Variants in PARD3B observed in about 807,000 individuals in gnomAD.
PARD3B encodes par-3 family cell polarity regulator beta, also known as partitioning defective 3 homolog B.
PARD3B carries 103 observed loss-of-function variants against 130.2 expected under a neutral mutation model. The ratio of observed to expected loss-of-function variants is 0.79; its 90% confidence interval spans 0.67 to 0.93. The LOEUF is 0.93. Ranked by LOEUF, PARD3B falls within the 40% of genes least tolerant of loss-of-function variation. The probability of loss-of-function intolerance (pLI) is 0.00; values close to 1 mark genes in which losing one functional copy is unlikely to be tolerated. For synonymous variants in PARD3B, 583 were observed against 553.2 expected, an observed-to-expected ratio of 1.05 and a Z score of -0.76; for missense variants, 1,609 against 1,499.2, an observed-to-expected ratio of 1.07 and a Z score of -1.21.
chr2:204,940,818 T>G (rs1412289743), intron 2 of PARD3B, among the ~76,000 whole-genome samples: 1 of 152,122 alleles, frequency 6.6e-6, no homozygotes, highest in Admixed American at 6.5e-5. Context: ...CTGCTCTATT[T>G]TCAAGCCATG....
chr2:204,854,971 C>A (rs911435727), intron 2 of PARD3B, among the ~76,000 whole-genome samples: 7 of 152,014 alleles, frequency 4.6e-5, no homozygotes, highest in Non-Finnish European at 8.8e-5. Context: ...GCGGTGGATG[C>A]GCTGAATTTT....
At chr2:205,586,692 A>T (rs1472884693) in intron 22 of PARD3B, among the ~76,000 whole-genome samples, 1 of 152,076 alleles carries the variant, frequency 6.6e-6, no homozygotes, top group Non-Finnish European at 1.5e-5. Flanking sequence ...GGATTTCATA[A>T]TTTCATACAT....
chr2:205,332,435 A>G (rs140769121), intron 18 of PARD3B, among the ~76,000 whole-genome samples: 37 of 152,282 alleles, frequency 2.4e-4, no homozygotes, highest in African/African-American at 8.4e-4. Context: ...GAAGGGAGAA[A>G]AGAAAGGAGG....
intron 2 of PARD3B, among the ~76,000 whole-genome samples, chr2:204,940,490 T>TC (rs1688815474): frequency 1.3e-5 from 2 of 149,344 alleles, no homozygotes; most frequent in African/African-American, 2.5e-5. Context: ...TTTTTTTTTT[T>TC]CTCAGTTGTT....
At chr2:205,377,168 T>C (rs139089762) in intron 18 of PARD3B, among the ~76,000 whole-genome samples, 140 of 152,106 alleles carry the variant, frequency 9.2e-4, no homozygotes, top group African/African-American at 2.7e-3. Context: ...CCATAAAAAG[T>C]TGGAGGAAAG....
intron 18 of PARD3B, among the ~76,000 whole-genome samples, chr2:205,381,993 A>G (rs1322010406): frequency 6.6e-6 from 1 of 152,058 alleles, no homozygotes; most frequent in Non-Finnish European, 1.5e-5. Context: ...CAGTTTTCAT[A>G]TACTTTTTAC....
At chr2:204,789,574 G>A (rs1207045596) in intron 2 of PARD3B, among the ~76,000 whole-genome samples, 1 of 152,170 alleles carries the variant, frequency 6.6e-6, no homozygotes, top group Non-Finnish European at 1.5e-5. Flanking sequence ...ATGAAGGTTT[G>A]ATTTTAATTC....
intron 21 of PARD3B, among the ~76,000 whole-genome samples, chr2:205,538,954 T>G (rs1283274594): frequency 6.6e-6 from 1 of 152,208 alleles, no homozygotes; most frequent in Non-Finnish European, 1.5e-5. Flanking sequence ...TGGGTATTAC[T>G]AATCGCATTT....
Position 204,675,957 on chromosome 2 carries a change from C to G in PARD3B, c.121-10224C>G, listed in dbSNP as rs563066722. ...ATTAATACCTTTTCTATGGCTTAAC[C>G]TTTGTTAAGCCATACTGGTTTATAC... is the stretch of plus-strand genomic sequence containing the variant. On this transcript the variant is annotated intron_variant, in intron 1 of 22. Coordinates refer to ENST00000406610, the MANE Select transcript of PARD3B (RefSeq NM_001302769.2). This position sits in a 1 kb window ranked among gnomAD's most constrained non-coding sequence, Gnocchi z 4.4. 6.6e-6 allele frequency among the ~76,000 whole-genome samples: 1 copy of G among 151,150 alleles called. No homozygotes were observed. The highest frequency in any genetic ancestry group is 2.0e-4 in the East Asian group (1 of 5,080).
chr2:205,349,369 T>C (rs941405203), intron 18 of PARD3B, among the ~76,000 whole-genome samples: 5 of 152,186 alleles, frequency 3.3e-5, no homozygotes, highest in African/African-American at 1.2e-4. Context: ...TAATCTCACT[T>C]GGTGTTTGTT....
At chr2:204,820,824 AAAACAAAAAC>A (rs879692115) in intron 2 of PARD3B, among the ~76,000 whole-genome samples, 14 of 3,414 alleles carry the variant, frequency 4.1e-3, no homozygotes, top group Non-Finnish European at 0.019. Flanking sequence ...CTCAAAAACA[AAAACAAAAAC>A]AAACAAAAAG....
Position 205,568,053 on chromosome 2 carries a change from C to T in PARD3B, c.3260+14650C>T, listed in dbSNP as rs2053424446. On this transcript the variant is annotated intron_variant, in intron 22 of 22. Coordinates refer to ENST00000406610, the MANE Select transcript of PARD3B (RefSeq NM_001302769.2). The surrounding 1 kb of genome is among the most constrained non-coding windows in gnomAD (Gnocchi z 5.3). ...TCAACTCCCCAGCACTTCTTCCTGT[C>T]CAGTGCACTGGTAACAGAAGCCTCA... Among the ~76,000 whole-genome samples, 1 of 152,164 alleles carries T rather than the reference C, an allele frequency of 6.6e-6. No homozygotes were observed. Among genetic ancestry groups the T allele is most frequent in the African/African-American group, 2.4e-5 (1 of 41,448 alleles).
intron 21 of PARD3B, 78 bp downstream of exon 21, chr2:205,500,109 G>A: frequency 6.6e-7 from 1 of 1,510,928 alleles, no homozygotes; most frequent in Admixed American, 1.7e-5. Flanking sequence ...GGTCAAGAAT[G>A]TTCTGTACAT....
chr2:204,935,845 T>C (rs1475753691), intron 2 of PARD3B, among the ~76,000 whole-genome samples: 2 of 152,194 alleles, frequency 1.3e-5, no homozygotes, highest in Non-Finnish European at 2.9e-5. Context: ...TTAGTTCTGA[T>C]AATTACAGGA....
chr2:204,859,123 G>A (rs1023012591), intron 2 of PARD3B, among the ~76,000 whole-genome samples: 31 of 152,056 alleles, frequency 2.0e-4, no homozygotes, highest in Admixed American at 1.0e-3. Flanking sequence ...ATATGACATT[G>A]AAGACCAATA....
intron 22 of PARD3B, among the ~76,000 whole-genome samples, chr2:205,600,352 A>T (rs2054736315): frequency 6.6e-6 from 1 of 152,018 alleles, no homozygotes; most frequent in Admixed American, 6.6e-5. Flanking sequence ...TTAATTTTGT[A>T]CTCATAAGGT....
At chr2:205,209,749 A>G (rs185362067) in intron 15 of PARD3B, among the ~76,000 whole-genome samples, 44 of 152,118 alleles carry the variant, frequency 2.9e-4, no homozygotes, top group East Asian at 1.7e-3. Context: ...AGAGACAACT[A>G]TCTGATTTTT....
intron 13 of PARD3B, among the ~76,000 whole-genome samples, chr2:205,185,356 A>T (rs1259384063): frequency 3.3e-5 from 5 of 152,186 alleles, no homozygotes; most frequent in Admixed American, 3.3e-4. Flanking sequence ...TTTGCTACTG[A>T]AGCAAATGCT....
At chr2:204,868,583 A>G (rs2045515210) in intron 2 of PARD3B, among the ~76,000 whole-genome samples, 1 of 152,212 alleles carries the variant, frequency 6.6e-6, no homozygotes, top group Non-Finnish European at 1.5e-5. Context: ...AACCCGGAGA[A>G]TTTGAGTTTC....
Sources: allele counts gnomAD v4.1 joint callset (sites outside exome capture counted in the v4.1 genomes callset), GRCh38; gene constraint gnomAD v4.1.1; non-coding constraint Gnocchi (gnomAD v3.1); transcripts MANE v1.5; gene names NCBI Gene and HGNC (gene_info 2026-07-23, HGNC 2026-07-21).